SLC41A2: variants seen among roughly 807,000 people sequenced by gnomAD.
SLC41A2 encodes solute carrier family 41 member 2.
In SLC41A2, 32 loss-of-function variants were observed where a neutral mutation model predicts 58.3. That is an observed-to-expected ratio of 0.55 (90% CI 0.41 to 0.74). The LOEUF is 0.74. SLC41A2 is among the 30% of genes least tolerant of loss of function. SLC41A2 has a pLI of 0.00. For synonymous variants in SLC41A2, 190 were observed against 235.0 expected (o/e 0.81, Z 1.75); for missense variants, 514 against 680.6 (o/e 0.76, Z 2.72).
chr12:104,806,505 A>T (rs1444445587), intron 10 of SLC41A2, among the ~76,000 whole-genome samples: 1 of 152,142 alleles, frequency 6.6e-6, no homozygotes. Flanking sequence ...TGTTATTGTG[A>T]CTAGTGCTGC....
intron 2 of SLC41A2, among the ~76,000 whole-genome samples, chr12:104,923,747 C>T (rs1458006908): frequency 2.0e-5 from 3 of 152,230 alleles, no homozygotes; most frequent in Non-Finnish European, 2.9e-5. Context: ...ACACATACAA[C>T]TATTGAACCA....
chr12:104,828,518 T>C (rs1270533380), intron 10 of SLC41A2, among the ~76,000 whole-genome samples: 1 of 152,102 alleles, frequency 6.6e-6, no homozygotes, highest in Non-Finnish European at 1.5e-5. Context: ...CGCCCACTGG[T>C]GCTTCAGCTG....
chr12:104,953,792 G>T (rs1164831540), intron 1 of SLC41A2, among the ~76,000 whole-genome samples: 1 of 152,126 alleles, frequency 6.6e-6, no homozygotes, highest in Non-Finnish European at 1.5e-5. Flanking sequence ...AATTTGACTA[G>T]AATATGGAGA....
At chr12:104,903,424 A>C (rs1360362873) in intron 3 of SLC41A2, among the ~76,000 whole-genome samples, 1 of 152,152 alleles carries the variant, frequency 6.6e-6, no homozygotes, top group Non-Finnish European at 1.5e-5. Context: ...ATTGGCCTCC[A>C]TGCTCTTTAT....
At chr12:104,831,739 CAAT>C (rs1565823311) in intron 10 of SLC41A2, among the ~76,000 whole-genome samples, 1 of 152,066 alleles carries the variant, frequency 6.6e-6, no homozygotes, top group Non-Finnish European at 1.5e-5. Context: ...AAAATACACT[CAAT>C]ATATCTAATT....
At chr12:104,861,775 T>C (rs779918995) in intron 7 of SLC41A2, among the ~76,000 whole-genome samples, 15 of 152,214 alleles carry the variant, frequency 9.9e-5, no homozygotes, top group Admixed American at 2.6e-4. Flanking sequence ...ATCACTCTTA[T>C]AATTTAAAAA....
chr12:104,841,196 A>C (rs1484902846), intron 10 of SLC41A2, among the ~76,000 whole-genome samples: 1 of 152,150 alleles, frequency 6.6e-6, no homozygotes, highest in African/African-American at 2.4e-5. Flanking sequence ...AAAACCTTAC[A>C]ATTTTAACTG....
At chr12:104,926,924 A>G (rs112721846) in intron 2 of SLC41A2, among the ~76,000 whole-genome samples, 2 of 151,880 alleles carry the variant, frequency 1.3e-5, no homozygotes, top group African/African-American at 4.8e-5. Flanking sequence ...TGTCTCTAAA[A>G]AAAAATTTTT....
At chr12:104,934,451 A>T (rs1262988861) in intron 1 of SLC41A2, among the ~76,000 whole-genome samples, 1 of 152,188 alleles carries the variant, frequency 6.6e-6, no homozygotes, top group African/African-American at 2.4e-5. Context: ...AGATGAAAAG[A>T]TCCACTACTT....
At chr12:104,889,778 T>C (rs2044857869) in intron 4 of SLC41A2, among the ~76,000 whole-genome samples, 1 of 152,074 alleles carries the variant, frequency 6.6e-6, no homozygotes. Context: ...ATAAGCACAA[T>C]TGTGATTAGT....
At chr12:104,807,546 T>G (rs1296502465) in intron 10 of SLC41A2, among the ~76,000 whole-genome samples, 10 of 152,176 alleles carry the variant, frequency 6.6e-5, no homozygotes, top group South Asian at 4.2e-4. Flanking sequence ...TTGGCAATGC[T>G]GGCTCTTTTT....
chr12:104,884,626 ACCCCTCTTTTCTTCT>A, intron 6 of SLC41A2, among the ~76,000 whole-genome samples: 1 of 152,022 alleles, frequency 6.6e-6, no homozygotes, highest in Non-Finnish European at 1.5e-5. Context: ...ATCCTCTTCT[ACCCCTCTTTTCTTCT>A]CTCTTTCCTC....
chr12:104,878,627 A>G (rs1250473690), intron 6 of SLC41A2, among the ~76,000 whole-genome samples: 2 of 152,050 alleles, frequency 1.3e-5, no homozygotes, highest in East Asian at 3.9e-4. Flanking sequence ...CAATGTCCCT[A>G]CAAAGGATGT....
At chr12:104,811,577 C>T (rs1244032323) in intron 10 of SLC41A2, among the ~76,000 whole-genome samples, 1 of 152,096 alleles carries the variant, frequency 6.6e-6, no homozygotes, top group East Asian at 1.9e-4. Context: ...GAGTTACCAA[C>T]CATATATATG....
chr12:104,913,614 C>T (rs2046181121), intron 2 of SLC41A2, among the ~76,000 whole-genome samples: 1 of 152,192 alleles, frequency 6.6e-6, no homozygotes, highest in Non-Finnish European at 1.5e-5. Context: ...GGCCACCCCA[C>T]CCAGCATAAA....
rs2044665064 is a variant in SLC41A2 at position 104,886,422 on chromosome 12, C to T, written c.898G>A (p.Val300Ile). The change falls in exon 6 of 11, where the codon GTT (valine) becomes ATT (isoleucine). Residue 300 changes from valine (V) to isoleucine (I), a missense_variant. This residue lies in a region of SLC41A2 where 336 missense variants were observed against 430.0 expected (regional missense o/e 0.78). Coordinates refer to ENST00000258538, the MANE Select transcript of SLC41A2 (RefSeq NM_001352171.3). ...CCAGTCTTCTTTGAACCAACGATAA[C>T]CCCAACCATTATTATTCCTAGAAGA... ...SLLQGIIMVG[V>I]IVGSKKTGIN... 6.2e-7 allele frequency: 1 copy of T among 1,612,994 alleles called. No homozygotes were observed. The highest frequency in any genetic ancestry group is 8.5e-7 in the Non-Finnish European group (1 of 1,179,316).
intron 6 of SLC41A2, among the ~76,000 whole-genome samples, chr12:104,869,764 T>C (rs968695740): frequency 6.6e-6 from 1 of 152,162 alleles, no homozygotes; most frequent in African/African-American, 2.4e-5. Flanking sequence ...TAAAAAGAGA[T>C]GCTACAAACA....
chr12:104,849,886 AG>A (rs2136356192), intron 8 of SLC41A2, among the ~76,000 whole-genome samples: 1 of 152,342 alleles, frequency 6.6e-6, no homozygotes, highest in Non-Finnish European at 1.5e-5. Context: ...TCTACAATCT[AG>A]CAATTCCACT....
chr12:104,898,718 A>G (rs975107889), intron 3 of SLC41A2, among the ~76,000 whole-genome samples: 19 of 152,256 alleles, frequency 1.2e-4, no homozygotes, highest in Non-Finnish European at 2.1e-4. Context: ...CTAAAAACAG[A>G]TATTTGCAAA....
Sources: gnomAD v4.1 joint callset for allele counts (sites outside exome capture counted in the v4.1 genomes callset) on GRCh38, gnomAD v4.1.1 for gene constraint, gnomAD v4.1.1 regional missense constraint, MANE v1.5 for transcripts, NCBI Gene and HGNC (gene_info 2026-07-23, HGNC 2026-07-21) for gene names.